The following DLG2 variants were observed in gnomAD, a reference collection of about 807,000 sequenced individuals.
The protein encoded by DLG2 is disks large homolog 2.
Under a neutral mutation model 132.5 loss-of-function variants are expected in DLG2, and 45 were observed. The observed-to-expected ratio is 0.34, with a 90% CI of 0.27 to 0.44. The LOEUF (loss-of-function observed/expected upper bound fraction) is 0.44. Ranked by LOEUF, DLG2 falls within the 20% of genes least tolerant of loss-of-function variation. The pLI is 1.00. For missense variants in DLG2, 1,045 were observed against 1,196.9 expected, an observed-to-expected ratio of 0.87 and a Z score of 1.87; for synonymous variants, 424 against 419.6, an observed-to-expected ratio of 1.01 and a Z score of -0.13.
chr11:84,337,280 G>A (rs992229993), intron 7 of DLG2, among the ~76,000 whole-genome samples: 10 of 152,126 alleles, frequency 6.6e-5, no homozygotes, highest in Non-Finnish European at 1.0e-4. Flanking sequence ...CCAAGTTCAC[G>A]TGGTTCAACC....
intron 15 of DLG2, among the ~76,000 whole-genome samples, chr11:83,906,360 C>CCACACCTGGCCAAGATTT (rs1279195748): frequency 6.7e-6 from 1 of 149,998 alleles, no homozygotes; most frequent in African/African-American, 2.5e-5. Context: ...GCACCAGCCA[C>CCACACCTGGCCAAGATTT]CACACCTGGC....
chr11:84,038,300 A>G (rs2095931746), intron 11 of DLG2, among the ~76,000 whole-genome samples: 1 of 152,040 alleles, frequency 6.6e-6, no homozygotes, highest in Admixed American at 6.6e-5. Context: ...CAAATTTACA[A>G]GAAAAAAAAA....
intron 3 of DLG2, among the ~76,000 whole-genome samples, chr11:85,338,047 T>C (rs182883934): frequency 9.2e-5 from 14 of 151,800 alleles, no homozygotes; most frequent in Admixed American, 4.6e-4. Flanking sequence ...TAATAAGAAA[T>C]ATAAGAGAGA....
chr11:84,658,449 T>A (rs2099690804), intron 6 of DLG2, among the ~76,000 whole-genome samples: 1 of 152,160 alleles, frequency 6.6e-6, no homozygotes, highest in Non-Finnish European at 1.5e-5. Flanking sequence ...ATGGGATTTA[T>A]GCCCTTATAA....
intron 15 of DLG2, among the ~76,000 whole-genome samples, chr11:83,899,458 A>G (rs1351300766): frequency 6.6e-5 from 10 of 152,118 alleles, no homozygotes; most frequent in African/African-American, 2.2e-4. Flanking sequence ...TCCCCACCCA[A>G]TTCTCACCTT....
intron 8 of DLG2, among the ~76,000 whole-genome samples, chr11:84,172,742 C>T (rs926227820): frequency 5.1e-4 from 77 of 152,012 alleles, no homozygotes; most frequent in African/African-American, 1.8e-3. Flanking sequence ...GAGGTTTTGC[C>T]ATGTTGGCCA....
intron 18 of DLG2, among the ~76,000 whole-genome samples, chr11:83,668,089 A>G (rs1305389572): frequency 2.3e-5 from 3 of 131,012 alleles, no homozygotes; most frequent in African/African-American, 6.0e-5. Flanking sequence ...AAAAAAAAAA[A>G]GCAGAAACAA....
chr11:84,889,003 G>C (rs1216521886), intron 6 of DLG2, among the ~76,000 whole-genome samples: 1 of 152,160 alleles, frequency 6.6e-6, no homozygotes, highest in Non-Finnish European at 1.5e-5. Context: ...AAGAAGAAAG[G>C]TAATGATACC....
chr11:85,395,243 G>A (rs1026523541), intron 3 of DLG2, among the ~76,000 whole-genome samples: 1 of 152,194 alleles, frequency 6.6e-6, no homozygotes, highest in African/African-American at 2.4e-5. Context: ...CCTCACAGAA[G>A]AGTAACATTT....
At chr11:83,977,083 G>A (rs1047990335) in intron 12 of DLG2, among the ~76,000 whole-genome samples, 110 of 151,868 alleles carry the variant, frequency 7.2e-4, no homozygotes, top group Non-Finnish European at 1.6e-4. Context: ...GTTGTGCAGC[G>A]TTCACAATGC....
chr11:84,558,896 C>T (rs1243155065), intron 6 of DLG2, among the ~76,000 whole-genome samples: 3 of 152,144 alleles, frequency 2.0e-5, no homozygotes, highest in Admixed American at 6.6e-5. Context: ...TTCAGGGTCT[C>T]CTCCAGCAGT....
intron 2 of DLG2, among the ~76,000 whole-genome samples, chr11:85,602,022 G>A (rs1367834686): frequency 6.6e-6 from 1 of 152,110 alleles, no homozygotes; most frequent in Non-Finnish European, 1.5e-5. Flanking sequence ...ATATCCAGCT[G>A]AATGCTCAAC....
intron 6 of DLG2, among the ~76,000 whole-genome samples, chr11:84,909,583 T>G (rs1479577184): frequency 6.6e-6 from 1 of 152,162 alleles, no homozygotes; most frequent in African/African-American, 2.4e-5. Context: ...CTTCTGCAAT[T>G]TCTTCTGGTC....
intron 6 of DLG2, among the ~76,000 whole-genome samples, chr11:84,995,131 A>G (rs1350818516): frequency 6.6e-6 from 1 of 152,218 alleles, no homozygotes; most frequent in East Asian, 1.9e-4. Flanking sequence ...AATCCTAGTC[A>G]ATTTATTTAA....
At chr11:85,307,320 A>G (rs966427162) in intron 3 of DLG2, among the ~76,000 whole-genome samples, 6 of 152,356 alleles carry the variant, frequency 3.9e-5, no homozygotes, top group Non-Finnish European at 5.9e-5. Flanking sequence ...TAAAAGAAAG[A>G]TTGTTAGAGA....
At chr11:84,878,464 C>G (rs1011641753) in intron 6 of DLG2, among the ~76,000 whole-genome samples, 10 of 152,022 alleles carry the variant, frequency 6.6e-5, no homozygotes, top group African/African-American at 2.4e-4. Flanking sequence ...GAACAGGAAA[C>G]CAAACACTTC....
intron 6 of DLG2, among the ~76,000 whole-genome samples, chr11:84,776,394 C>A (rs895915529): frequency 6.6e-6 from 1 of 152,108 alleles, no homozygotes; most frequent in African/African-American, 2.4e-5. Flanking sequence ...TGGGCTCTAG[C>A]AATCCCCCAG....
At chr11:83,525,119 T>G (rs745367964) in intron 21 of DLG2, among the ~76,000 whole-genome samples, 19 of 152,182 alleles carry the variant, frequency 1.2e-4, no homozygotes, top group Non-Finnish European at 2.2e-4. Context: ...AAATAGACTA[T>G]GAGGAATACA....
chr11:84,151,614 T>C (rs1367700716), intron 9 of DLG2, among the ~76,000 whole-genome samples: 1 of 152,208 alleles, frequency 6.6e-6, no homozygotes, highest in Non-Finnish European at 1.5e-5. Flanking sequence ...CTTGTTTTTC[T>C]AGATCCTCTA....
Sources: allele counts gnomAD v4.1 joint callset (sites outside exome capture counted in the v4.1 genomes callset), GRCh38; gene constraint gnomAD v4.1.1; transcripts MANE v1.5; gene names NCBI Gene and HGNC (gene_info 2026-07-23, HGNC 2026-07-21).